PCDHA1: variants seen among roughly 807,000 people sequenced by gnomAD.
PCDHA1 encodes the protein protocadherin alpha-1.
A neutral mutation model predicts 61.3 loss-of-function variants in PCDHA1; 42 were observed. The observed-to-expected ratio is 0.69, with a 90% confidence interval of 0.54 to 0.89. PCDHA1 has a LOEUF of 0.89. PCDHA1 is among the 40% of genes least tolerant of loss of function. The probability of loss-of-function intolerance (pLI) is 0.00; values close to 1 mark genes in which losing one functional copy is unlikely to be tolerated. For missense variants in PCDHA1, 1,256 were observed against 1,235.3 expected, an observed-to-expected ratio of 1.02 and a Z score of -0.25; for synonymous variants, 610 against 553.8, an observed-to-expected ratio of 1.10 and a Z score of -1.43.
At chr5:140,936,185 G>A (rs563044758) in intron 1 of PCDHA1, among the ~76,000 whole-genome samples, 10 of 152,060 alleles carry the variant, frequency 6.6e-5, no homozygotes, top group Non-Finnish European at 1.0e-4. Context: ...AAACCACCAC[G>A]CCCAGCCAAA....
Position 140,876,879 on chromosome 5 carries a change from G to C in PCDHA1, c.2394+88195G>C, listed in dbSNP as rs782299548. On this transcript the variant is annotated intron_variant, in intron 1 of 3. Coordinates refer to ENST00000504120, the MANE Select transcript of PCDHA1 (RefSeq NM_018900.4). Reference sequence around the variant, plus strand: ...CAGTGTTCGTGAAGGAGAACAACCCGCCGGGCTGCCACATCTTCACGGTGT... The same window carrying C: ...CAGTGTTCGTGAAGGAGAACAACCCCCCGGGCTGCCACATCTTCACGGTGT... The C allele has an allele frequency of 1.6e-5, 26 of 1,614,032 alleles. 1 individual carries two copies. The highest frequency in any genetic ancestry group is 2.2e-5 in the Non-Finnish European group (26 of 1,180,008).
intron 1 of PCDHA1, chr5:140,843,545 T>C: frequency 2.5e-6 from 4 of 1,595,904 alleles, no homozygotes; most frequent in Non-Finnish European, 3.4e-6. Context: ...TCTGGTGTGC[T>C]CCAGTGCGGT....
intron 1 of PCDHA1, chr5:140,853,507 A>G (rs762597106): frequency 6.1e-6 from 6 of 977,198 alleles, no homozygotes; most frequent in South Asian, 4.8e-5. Context: ...TCATGAAACA[A>G]TAATGAAGCT....
At chr5:140,839,740 A>G (rs1357885958) in intron 1 of PCDHA1, among the ~76,000 whole-genome samples, 2 of 152,020 alleles carry the variant, frequency 1.3e-5, no homozygotes, top group South Asian at 4.1e-4. Flanking sequence ...AAATACCCTT[A>G]TTTGCCTTTC....
intron 1 of PCDHA1, chr5:140,804,911 A>C (rs550382378): frequency 1.1e-6 from 1 of 888,774 alleles, no homozygotes; most frequent in Non-Finnish European, 1.6e-6. Context: ...CATTTTCTTT[A>C]TTTCCTTTTT....
intron 1 of PCDHA1, among the ~76,000 whole-genome samples, chr5:140,918,678 A>G (rs2078806155): frequency 6.6e-6 from 1 of 152,098 alleles, no homozygotes; most frequent in South Asian, 2.1e-4. Context: ...AAGAGGTGAG[A>G]CCTTTCAAAC....
rs1450871721 is a variant in PCDHA1, at chr5:140,999,541, C to T, written c.2543-10086C>T. 3.3e-5 allele frequency among the ~76,000 whole-genome samples: 5 copies of T among 152,150 alleles called. No individual in the cohort carries two copies. The East Asian group carries it at 9.7e-4, about 29-fold the overall frequency. On this transcript the variant is annotated intron_variant, in intron 3 of 3. Coordinates refer to ENST00000504120, the MANE Select transcript of PCDHA1 (RefSeq NM_018900.4). ...TTTGTTACCCCCTGGATATGACAGC[C>T]AATGAAGAGGGGGTATTTTGAGAAG...
intron 1 of PCDHA1, among the ~76,000 whole-genome samples, chr5:140,961,914 C>T (rs192184): frequency 0.56 from 84,843 of 150,390 alleles, 24,472 homozygotes; most frequent in African/African-American, 0.69. Context: ...GATGGAGTCT[C>T]GCTCTGTTGC....
In PCDHA1 at chr5:140,841,621, G is replaced by A. The variant is rs2150319619; in HGVS notation, c.2394+52937G>A. 7.4e-6 allele frequency: 12 copies of A among 1,614,032 alleles called. No homozygotes were observed. The African/African-American group carries it at 1.3e-4, about 18-fold the overall frequency. On this transcript the variant is annotated intron_variant, in intron 1 of 3. Coordinates refer to ENST00000504120, the MANE Select transcript of PCDHA1 (RefSeq NM_018900.4). ...GCGAGGAGCTGTGCGGGCGGAGCGC[G>A]GAGTGCAGCATCCACCTGGAGGTGA...
chr5:140,905,011 T>A (rs551000720), intron 1 of PCDHA1, among the ~76,000 whole-genome samples: 44 of 152,296 alleles, frequency 2.9e-4, no homozygotes, highest in African/African-American at 1.0e-3. Context: ...CTTTGCTAAT[T>A]CTTTTCTATG....
intron 3 of PCDHA1, among the ~76,000 whole-genome samples, chr5:140,984,330 A>C (rs2097097334): frequency 6.6e-6 from 1 of 152,204 alleles, no homozygotes; most frequent in Admixed American, 6.5e-5. Context: ...CAAATGTGGA[A>C]TAGGAACCAT....
chr5:140,993,519 GAGAC>G (rs1554253814), intron 3 of PCDHA1, among the ~76,000 whole-genome samples: 1 of 151,288 alleles, frequency 6.6e-6, no homozygotes, highest in Non-Finnish European at 1.5e-5. Context: ...CGGGGAGAGA[GAGAC>G]AGAGAGAGAG....
chr5:140,944,689 A>T (rs1360975363), intron 1 of PCDHA1, among the ~76,000 whole-genome samples: 1 of 152,226 alleles, frequency 6.6e-6, no homozygotes, highest in Non-Finnish European at 1.5e-5. Context: ...TCCTATTAAT[A>T]ACAGTAATTA....
chr5:140,896,748 A>T (rs1554187100), intron 1 of PCDHA1, among the ~76,000 whole-genome samples: 1 of 151,856 alleles, frequency 6.6e-6, no homozygotes, highest in African/African-American at 2.4e-5. Context: ...TAGATTCTGG[A>T]TATTAGACCT....
At chr5:140,851,448 T>C (rs2042064678) in intron 1 of PCDHA1, 1 of 914,844 alleles carries the variant, frequency 1.1e-6, no homozygotes, top group African/African-American at 1.8e-5. Flanking sequence ...TGCTCCACTT[T>C]AGGAATCAAA....
chr5:140,788,309 C>T lies in PCDHA1; in HGVS notation c.2019C>T (p.Gly673=), dbSNP rs782022265. 1 of 1,613,976 alleles carries T rather than the reference C, an allele frequency of 6.2e-7. No individual in the cohort carries two copies. The highest frequency in any genetic ancestry group is 1.1e-5 in the South Asian group (1 of 91,084). ...ATVLVSLVES[G]QAPKASSRAS... is the part of the protein sequence containing the mutation. ...TGCTTGTATCTCTGGTGGAGAGCGG[C>T]CAGGCGCCAAAGGCGTCTTCGCGGG... The change falls in exon 1 of 4, where the codon GGC becomes GGT. Residue 673 remains glycine, a synonymous_variant. Transcript: ENST00000504120.
At chr5:140,969,501 A>G (rs2096338220) in intron 1 of PCDHA1, 20 of 1,431,968 alleles carry the variant, frequency 1.4e-5, no homozygotes, top group Non-Finnish European at 1.9e-5. Context: ...CTCTCTAGAA[A>G]AATAGCACTA....
At chr5:141,007,507 G>A (rs2098333216) in intron 3 of PCDHA1, among the ~76,000 whole-genome samples, 1 of 151,980 alleles carries the variant, frequency 6.6e-6, no homozygotes, top group Admixed American at 6.6e-5. Flanking sequence ...GGCAGAGACT[G>A]CAGTGAGCTG....
intron 1 of PCDHA1, chr5:140,827,925 T>TG (rs1769455571): frequency 1.0e-6 from 1 of 988,318 alleles, no homozygotes; most frequent in African/African-American, 1.6e-5. Context: ...CTGTCTACCA[T>TG]GAAGTTATAG....
Sources: allele counts gnomAD v4.1 joint callset (sites outside exome capture counted in the v4.1 genomes callset), GRCh38; gene constraint gnomAD v4.1.1; transcripts MANE v1.5; gene names NCBI Gene and HGNC (gene_info 2026-07-23, HGNC 2026-07-21).